FCHO2: variants seen among roughly 807,000 people sequenced by gnomAD.
FCHO2 encodes the protein FCH and mu domain containing endocytic adaptor 2.
Under a neutral mutation model 114.1 loss-of-function variants are expected in FCHO2, and 43 were observed. That is an observed-to-expected ratio of 0.38 (90% CI 0.30 to 0.49). The LOEUF (loss-of-function observed/expected upper bound fraction) is 0.49. Among genes scored for constraint, FCHO2 ranks in the 20% least tolerant of loss-of-function variants. FCHO2 has a pLI of 0.97. For missense variants in FCHO2, 807 were observed against 950.4 expected, an observed-to-expected ratio of 0.85 and a Z score of 1.98; for synonymous variants, 293 against 315.2, an observed-to-expected ratio of 0.93 and a Z score of 0.75.
chr5:72,995,688 A>G (rs1754053591), intron 5 of FCHO2, among the ~76,000 whole-genome samples: 1 of 152,016 alleles, frequency 6.6e-6, no homozygotes, highest in Non-Finnish European at 1.5e-5. Flanking sequence ...AAGGTGCAGG[A>G]CCTCATATGA....
Position 72,956,071 on chromosome 5 carries a change from G to A in FCHO2, c.-26G>A, listed in dbSNP as rs1318029642. Reference sequence around the variant, plus strand: ...TACACAGCGGCGGGCGGGCGCGGACGCGGAACCCGGCGCGGCGGCGGCACG... The same window carrying A: ...TACACAGCGGCGGGCGGGCGCGGACACGGAACCCGGCGCGGCGGCGGCACG... On this transcript the variant is annotated 5_prime_UTR_variant, in exon 1 of 26. Transcript: ENST00000430046. The A allele has an allele frequency of 1.9e-6, 3 of 1,539,202 alleles. No individual in the cohort carries two copies. The highest frequency in any genetic ancestry group is 2.0e-5 in the Admixed American group (1 of 49,912).
chr5:73,021,079 A>G (rs929191872), intron 8 of FCHO2: 33 of 858,430 alleles, frequency 3.8e-5, no homozygotes, highest in Middle Eastern at 2.6e-4. Flanking sequence ...TGGAAAGAAG[A>G]CATTGATGAT....
chr5:73,066,088 G>C (rs1742308753), intron 18 of FCHO2, among the ~76,000 whole-genome samples: 1 of 151,954 alleles, frequency 6.6e-6, no homozygotes, highest in African/African-American at 2.4e-5. Flanking sequence ...TAGTCTTCAA[G>C]CTTCTTTAAA....
At chr5:73,044,685 T>C (rs2112817562) in intron 11 of FCHO2, among the ~76,000 whole-genome samples, 1 of 152,250 alleles carries the variant, frequency 6.6e-6, no homozygotes, top group East Asian at 1.9e-4. Context: ...TTTTTCTTTT[T>C]CTTTTTCTTT....
intron 2 of FCHO2, among the ~76,000 whole-genome samples, chr5:72,982,094 C>T (rs1337827022): frequency 1.3e-5 from 2 of 152,122 alleles, no homozygotes; most frequent in East Asian, 1.9e-4. Context: ...GTGGGAAAAG[C>T]GTAGTATCTG....
At chr5:72,965,633 C>G (rs567063453) in intron 1 of FCHO2, among the ~76,000 whole-genome samples, 1 of 152,154 alleles carries the variant, frequency 6.6e-6, no homozygotes, top group African/African-American at 2.4e-5. Flanking sequence ...CATTGCATGT[C>G]TATTGAGTTC....
chr5:73,054,401 C>G (rs1757485987), intron 14 of FCHO2, 124 bp from the exon 15 acceptor site: 1 of 922,186 alleles, frequency 1.1e-6, no homozygotes, highest in Admixed American at 2.8e-5. Context: ...TGTAAATACA[C>G]TTTACAATTG....
chr5:73,083,063 T>C (rs1743175244), intron 24 of FCHO2, among the ~76,000 whole-genome samples: 4 of 151,940 alleles, frequency 2.6e-5, no homozygotes, highest in Admixed American at 6.6e-5. Context: ...TGTTTTTTTT[T>C]TTAGTAGAAA....
chr5:72,963,592 G>A (rs1440296258), intron 1 of FCHO2, among the ~76,000 whole-genome samples: 1 of 151,870 alleles, frequency 6.6e-6, no homozygotes, highest in African/African-American at 2.4e-5. Context: ...GCCCAGGCTG[G>A]AGTGCAGTGG....
intron 2 of FCHO2, 77 bp downstream of exon 2, chr5:72,968,666 A>G: frequency 9.8e-7 from 1 of 1,024,372 alleles, no homozygotes. Context: ...TAATGGAGAA[A>G]ACTTTATTTG....
At chr5:72,961,722 G>T (rs1245966398) in intron 1 of FCHO2, among the ~76,000 whole-genome samples, 1 of 151,980 alleles carries the variant, frequency 6.6e-6, no homozygotes, top group Non-Finnish European at 1.5e-5. Flanking sequence ...AGCCTCCCTG[G>T]TAGCTGGGAT....
At chr5:72,965,344 G>T (rs767276046) in intron 1 of FCHO2, among the ~76,000 whole-genome samples, 28 of 152,096 alleles carry the variant, frequency 1.8e-4, no homozygotes, top group Non-Finnish European at 3.5e-4. Context: ...TGTATTAAAT[G>T]TGCAATAGCA....
chr5:73,017,994 G>C (rs1755396744), intron 8 of FCHO2, among the ~76,000 whole-genome samples: 1 of 151,992 alleles, frequency 6.6e-6, no homozygotes, highest in African/African-American at 2.4e-5. Flanking sequence ...CAGTCCTCCA[G>C]ATTTCTTTAA....
rs778761782 is a variant in FCHO2, at chr5:73,052,424, C to A, written c.1090C>A (p.Pro364Thr). The A allele has an allele frequency of 6.2e-7, 1 of 1,603,270 alleles. No individual in the cohort carries two copies. The highest frequency in any genetic ancestry group is 2.2e-5 in the East Asian group (1 of 44,694). ...KYRIEIKPMH[P>T]NNSHHTMASL... The stretch of plus-strand genomic sequence containing the variant: ...TCGGATAGAAATTAAGCCTATGCAT[C>A]CAAATAACTCACATCACACAATGGC... The change falls in exon 13 of 26, where the codon CCA becomes ACA. Residue 364 changes from proline to threonine, a missense_variant. By Grantham distance (38) the Pro-to-Thr change is conservative. Transcript: ENST00000430046.
At chr5:73,006,131 T>G (rs1580088200) in intron 5 of FCHO2, among the ~76,000 whole-genome samples, 1 of 152,208 alleles carries the variant, frequency 6.6e-6, no homozygotes, top group Non-Finnish European at 1.5e-5. Context: ...TGTTAACATA[T>G]CTTAGTAACA....
At chr5:73,069,623 G>T (rs147562084) in intron 19 of FCHO2, among the ~76,000 whole-genome samples, 1 of 152,088 alleles carries the variant, frequency 6.6e-6, no homozygotes, top group African/African-American at 2.4e-5. Flanking sequence ...GTGATGGGGT[G>T]GGGGGCGGTT....
intron 21 of FCHO2, 118 bp from the exon 22 acceptor site, chr5:73,078,062 C>T: frequency 1.4e-6 from 1 of 691,868 alleles, no homozygotes; most frequent in Non-Finnish European, 2.2e-6. Context: ...TCTAATTTTC[C>T]TTCATCCCAC....
intron 11 of FCHO2, among the ~76,000 whole-genome samples, chr5:73,043,224 TC>T (rs1200900816): frequency 2.0e-5 from 3 of 152,116 alleles, no homozygotes; most frequent in Non-Finnish European, 2.9e-5. Flanking sequence ...GAACCACTGT[TC>T]CTGGCCAACA....
At chr5:72,994,950 A>G (rs1193991281) in intron 5 of FCHO2, among the ~76,000 whole-genome samples, 1 of 152,110 alleles carries the variant, frequency 6.6e-6, no homozygotes, top group Admixed American at 6.6e-5. Context: ...ACTGGGGCCT[A>G]CTGGAGGAGA....
Sources: gnomAD v4.1 joint callset for allele counts (sites outside exome capture counted in the v4.1 genomes callset) on GRCh38, gnomAD v4.1.1 for gene constraint, MANE v1.5 for transcripts, NCBI Gene and HGNC (gene_info 2026-07-23, HGNC 2026-07-21) for gene names.